ARMC9: variants seen among roughly 807,000 people sequenced by gnomAD.
The protein encoded by ARMC9 is lisH domain-containing protein ARMC9.
In ARMC9, 94 loss-of-function variants were observed where a neutral mutation model predicts 107.0. That is an observed-to-expected ratio of 0.88 (90% confidence interval 0.74 to 1.04). ARMC9 has a LOEUF of 1.04. ARMC9 is among the 50% of genes least tolerant of loss of function. The pLI, the probability that ARMC9 is intolerant of heterozygous loss-of-function variation, is 0.00. For missense variants in ARMC9, 942 were observed against 1,030.1 expected, an observed-to-expected ratio of 0.91 and a Z score of 1.17; for synonymous variants, 380 against 396.9, an observed-to-expected ratio of 0.96 and a Z score of 0.51.
chr2:231,356,360 A>C (rs1019292196), intron 22 of ARMC9, among the ~76,000 whole-genome samples: 1 of 152,228 alleles, frequency 6.6e-6, no homozygotes, highest in Non-Finnish European at 1.5e-5. Flanking sequence ...CTGGGATCCA[A>C]ACGCCTTTGA....
rs1446130192 is a variant in ARMC9, at chr2:231,372,073, T to G, written c.*538T>G. 6.5e-6 allele frequency: 1 copy of G among 152,678 alleles called. No individual in the cohort carries two copies. The highest frequency in any genetic ancestry group is 2.4e-5 in the African/African-American group (1 of 41,474). 9.5% of individuals were successfully genotyped at this position (152,678 alleles called of 1,614,324 possible). On this transcript the variant is annotated 3_prime_UTR_variant, in exon 25 of 25. Coordinates refer to ENST00000611582, the MANE Select transcript of ARMC9 (RefSeq NM_001352754.2). ...TTGGTGTTTTCTTCCTGTGTTAAAA[T>G]CTGAGAAAGAAGGCCAGGTGCGGTG...
intron 16 of ARMC9, among the ~76,000 whole-genome samples, chr2:231,281,743 C>G (rs2125452832): frequency 6.6e-6 from 1 of 152,278 alleles, no homozygotes; most frequent in Non-Finnish European, 1.5e-5. Flanking sequence ...ACAACAAAAT[C>G]AACGATGACT....
chr2:231,348,497 G>A (rs1025548846), intron 21 of ARMC9, among the ~76,000 whole-genome samples: 1 of 152,166 alleles, frequency 6.6e-6, no homozygotes, highest in African/African-American at 2.4e-5. Flanking sequence ...GAAAACATTG[G>A]GGAATGTCTC....
At chr2:231,271,109 G>A (rs1403693033) in intron 13 of ARMC9, 37 bp downstream of exon 13, 3 of 1,596,044 alleles carry the variant, frequency 1.9e-6, no homozygotes, top group Non-Finnish European at 2.6e-6. Flanking sequence ...TAAGAGCTAG[G>A]TCATATTGAT....
At chr2:231,200,652 G>C (rs1225555554) in intron 1 of ARMC9, among the ~76,000 whole-genome samples, 1 of 150,920 alleles carries the variant, frequency 6.6e-6, no homozygotes, top group East Asian at 1.9e-4. Context: ...CAGCCTGGGC[G>C]GCAAAAGTGA....
chr2:231,275,455 G>T (rs902551367), intron 14 of ARMC9, among the ~76,000 whole-genome samples: 7 of 152,166 alleles, frequency 4.6e-5, no homozygotes, highest in African/African-American at 9.7e-5. Context: ...TTTTGATGGG[G>T]TATTGGATTT....
At chr2:231,361,639 C>G (rs1009705698) in intron 23 of ARMC9, among the ~76,000 whole-genome samples, 2 of 152,066 alleles carry the variant, frequency 1.3e-5, no homozygotes, top group Non-Finnish European at 2.9e-5. Context: ...TCTGGAGAAA[C>G]CTGCTCAGGG....
intron 5 of ARMC9, among the ~76,000 whole-genome samples, chr2:231,219,468 C>A (rs942671027): frequency 6.6e-6 from 1 of 152,200 alleles, no homozygotes; most frequent in African/African-American, 2.4e-5. Context: ...CAAATCCTAG[C>A]TAGATTGCAT....
chr2:231,369,965 AGCCTTCACCTGCAAG>A lies in ARMC9; in HGVS notation c.2275_2289del (p.Ala759_Lys763del). On this transcript the variant is annotated inframe_deletion, in exon 24 of 25. Transcript: ENST00000611582. ...CGTTTTGTTCTAGGGAATGTGCATC[AGCCTTCACCTGCAAG>A]CCCCGGGCCCCCTGCACTCCAGAGA... is the stretch of plus-strand genomic sequence containing the variant. The A allele has an allele frequency of 6.6e-7, 1 of 1,516,294 alleles. No homozygotes were observed. Among genetic ancestry groups the A allele is most frequent in the East Asian group, 2.5e-5 (1 of 40,238 alleles). The allele number at this position is 1,516,294 out of a possible 1,614,324, so 93.9% of individuals were successfully genotyped here. A position where few individuals can be genotyped will look rare whatever the true frequency, so the allele number is the denominator to read the frequency against.
At chr2:231,337,473 T>G (rs111766995) in intron 20 of ARMC9, among the ~76,000 whole-genome samples, 2,648 of 129,150 alleles carry the variant, frequency 0.021, 110 homozygotes, top group African/African-American at 0.077. Context: ...ATTTTTGTTT[T>G]TTTTTTTTTT....
At chr2:231,280,244 C>G (rs1208566634) in intron 16 of ARMC9, among the ~76,000 whole-genome samples, 1 of 152,130 alleles carries the variant, frequency 6.6e-6, no homozygotes, top group Non-Finnish European at 1.5e-5. Flanking sequence ...CACTTGAAGT[C>G]AGGAGTTCGA....
chr2:231,345,150 G>T, intron 21 of ARMC9, 60 bp downstream of exon 21: 1 of 1,581,664 alleles, frequency 6.3e-7, no homozygotes, highest in Non-Finnish European at 8.5e-7. Flanking sequence ...TGATTACAGT[G>T]TAAGATGTAT....
chr2:231,345,509 A>C (rs2044766625), intron 21 of ARMC9, among the ~76,000 whole-genome samples: 2 of 152,220 alleles, frequency 1.3e-5, no homozygotes, highest in South Asian at 4.1e-4. Context: ...TTTTTGGAAC[A>C]ACTGGATGCT....
chr2:231,321,879 G>C (rs1171397381), intron 19 of ARMC9, among the ~76,000 whole-genome samples: 2 of 152,106 alleles, frequency 1.3e-5, no homozygotes, highest in Non-Finnish European at 2.9e-5. Context: ...TTCTCTTATT[G>C]GGTGTATTAA....
At chr2:231,312,821 A>G (rs537181832) in intron 19 of ARMC9, among the ~76,000 whole-genome samples, 8 of 152,302 alleles carry the variant, frequency 5.3e-5, no homozygotes, top group South Asian at 2.1e-4. Flanking sequence ...GTAAGGACTC[A>G]ATGAACTAAT....
At chr2:231,298,719 G>A (rs2041533994) in intron 19 of ARMC9, among the ~76,000 whole-genome samples, 1 of 152,166 alleles carries the variant, frequency 6.6e-6, no homozygotes, top group Non-Finnish European at 1.5e-5. Flanking sequence ...GGCCGAGGTG[G>A]GCGGATCACT....
chr2:231,270,560 C>T (rs1199972265), intron 12 of ARMC9: 2 of 461,742 alleles, frequency 4.3e-6, no homozygotes, highest in Admixed American at 4.8e-5. Flanking sequence ...GTGGCGTTAT[C>T]GTTTCTCGTG....
At chr2:231,326,861 G>T (rs1238376322) in intron 19 of ARMC9, among the ~76,000 whole-genome samples, 3 of 152,174 alleles carry the variant, frequency 2.0e-5, no homozygotes, top group African/African-American at 7.2e-5. Flanking sequence ...CTGCCTGTTG[G>T]CAAGTGTCAA....
rs987324024 is a variant in ARMC9, at chr2:231,214,485, C to T, written c.178-346C>T. ...TGGTCTGGATAGCTTTTGTCAGTTG[C>T]ACGCTGTGGGTCAGCAGGTCCAAAG... is the stretch of plus-strand genomic sequence containing the variant. On this transcript the variant is annotated intron_variant, in intron 3 of 24. Transcript: ENST00000611582. Among the ~76,000 whole-genome samples, 37 of 152,208 alleles carry T rather than the reference C, an allele frequency of 2.4e-4. 1 individual carries two copies. The highest frequency in any genetic ancestry group is 1.4e-3 in the Admixed American group (21 of 15,282).
Sources: gnomAD v4.1 joint callset for allele counts (sites outside exome capture counted in the v4.1 genomes callset) on GRCh38, gnomAD v4.1.1 for gene constraint, MANE v1.5 for transcripts, NCBI Gene and HGNC (gene_info 2026-07-23, HGNC 2026-07-21) for gene names.